The following TSHZ3 variants were observed in gnomAD, a reference collection of about 807,000 sequenced individuals.
TSHZ3 encodes the protein teashirt homolog 3.
In TSHZ3, 10 loss-of-function variants were observed where a neutral mutation model predicts 64.5. The ratio of observed to expected loss-of-function variants is 0.16; its 90% CI spans 0.10 to 0.26. TSHZ3 has a LOEUF of 0.26. TSHZ3 is among the 10% of genes least tolerant of loss of function. The pLI is 1.00. For missense variants in TSHZ3, 1,242 were observed against 1,421.7 expected (o/e 0.87, Z 2.03); for synonymous variants, 608 against 593.1 (o/e 1.03, Z -0.36).
chr19:31,224,257 G>A (rs1049995007), intron 4 of TSHZ3, among the ~76,000 whole-genome samples: 1 of 152,202 alleles, frequency 6.6e-6, no homozygotes, highest in African/African-American at 2.4e-5. Context: ...CCAACTGGGA[G>A]TTTCACTAAA....
intron 5 of TSHZ3, among the ~76,000 whole-genome samples, chr19:31,197,220 A>C (rs929758354): frequency 1.3e-5 from 2 of 152,026 alleles, no homozygotes; most frequent in East Asian, 3.8e-4. Context: ...ATGGTCAAAA[A>C]ATAAATATCA....
intron 1 of TSHZ3, among the ~76,000 whole-genome samples, chr19:31,248,968 A>G (rs1298588871): frequency 6.6e-6 from 1 of 152,006 alleles, no homozygotes; most frequent in Admixed American, 6.6e-5. Flanking sequence ...GGTTTTGAGT[A>G]GTTTTGAGTG....
At chr19:31,346,939 A>G (rs2021536371) in intron 1 of TSHZ3, among the ~76,000 whole-genome samples, 1 of 152,058 alleles carries the variant, frequency 6.6e-6, no homozygotes, top group Non-Finnish European at 1.5e-5. Context: ...GCATTCTGAT[A>G]AAGTAAATCC....
intron 1 of TSHZ3, among the ~76,000 whole-genome samples, chr19:31,244,765 TC>T (rs1975738836): frequency 6.6e-6 from 1 of 152,134 alleles, no homozygotes; most frequent in Non-Finnish European, 1.5e-5. Context: ...CACTTCAGCC[TC>T]CCAAGTAGCT....
chr19:31,343,975 CATCTT>C (rs1487724999), intron 1 of TSHZ3, among the ~76,000 whole-genome samples: 3 of 152,086 alleles, frequency 2.0e-5, no homozygotes, highest in Non-Finnish European at 2.9e-5. Context: ...ATAAAATTGT[CATCTT>C]ATCTTATTAT....
At chr19:31,330,607 C>A (rs1227831952) in intron 1 of TSHZ3, among the ~76,000 whole-genome samples, 1 of 151,928 alleles carries the variant, frequency 6.6e-6, no homozygotes, top group Non-Finnish European at 1.5e-5. Flanking sequence ...TGGCGGGGTG[C>A]AAAATGGAGG....
At chr19:31,291,241 T>G (rs865916179) in intron 1 of TSHZ3, among the ~76,000 whole-genome samples, 9 of 152,172 alleles carry the variant, frequency 5.9e-5, no homozygotes, top group South Asian at 2.1e-4. Context: ...CCAGCGGTGA[T>G]GGGAAACAAG....
intron 1 of TSHZ3, among the ~76,000 whole-genome samples, chr19:31,306,118 T>A (rs941762833): frequency 2.6e-5 from 4 of 152,092 alleles, no homozygotes; most frequent in African/African-American, 9.7e-5. Context: ...GACGCACAGG[T>A]GTGCCCTCCC....
At chr19:31,231,304 G>A (rs1227317711) in intron 3 of TSHZ3, among the ~76,000 whole-genome samples, 1 of 152,106 alleles carries the variant, frequency 6.6e-6, no homozygotes, top group Admixed American at 6.5e-5. Flanking sequence ...TCAGGAGGCC[G>A]AGCGGAATTA....
intron 1 of TSHZ3, among the ~76,000 whole-genome samples, chr19:31,347,072 T>C (rs377373665): frequency 5.3e-5 from 8 of 152,132 alleles, no homozygotes; most frequent in African/African-American, 1.9e-4. Context: ...ACAAAGTCGT[T>C]TTGACGGGTC....
At chr19:31,199,533 C>CA (rs1975045283) in intron 5 of TSHZ3, among the ~76,000 whole-genome samples, 1 of 150,194 alleles carries the variant, frequency 6.7e-6, no homozygotes. Context: ...TCCACATGAC[C>CA]AAAAAATAAA....
chr19:31,301,201 T>G (rs1976750854), intron 1 of TSHZ3, among the ~76,000 whole-genome samples: 1 of 152,086 alleles, frequency 6.6e-6, no homozygotes. Flanking sequence ...TTCATCCCTC[T>G]GCAAAGAAGC....
intron 3 of TSHZ3, among the ~76,000 whole-genome samples, chr19:31,235,542 A>ATGTG (rs373260594): frequency 1.3e-4 from 19 of 149,044 alleles, no homozygotes; most frequent in African/African-American, 2.7e-4. Flanking sequence ...CAATGTGTGT[A>ATGTG]TGTGTGTGTG....
At chr19:31,187,651 A>T (rs1170251895) in intron 5 of TSHZ3, among the ~76,000 whole-genome samples, 3 of 152,006 alleles carry the variant, frequency 2.0e-5, no homozygotes, top group Non-Finnish European at 4.4e-5. Flanking sequence ...TTATTTTTTC[A>T]GTATGGGTAT....
At chr19:31,241,290 C>G (rs536425587) in intron 3 of TSHZ3, among the ~76,000 whole-genome samples, 1 of 152,276 alleles carries the variant, frequency 6.6e-6, no homozygotes, top group East Asian at 1.9e-4. Flanking sequence ...ACTGCAAACT[C>G]TTGTTGGGGC....
At chr19:31,272,414 G>C (rs147729841), downstream of TSHZ3, among the ~76,000 whole-genome samples, 1 of 152,120 alleles carries the variant, frequency 6.6e-6, no homozygotes, top group Non-Finnish European at 1.5e-5. Flanking sequence ...CTGTCTGAGC[G>C]CAGGGCAGAG....
intron 3 of TSHZ3, among the ~76,000 whole-genome samples, chr19:31,240,317 A>C (rs1367625721): frequency 6.6e-6 from 1 of 152,198 alleles, no homozygotes; most frequent in Non-Finnish European, 1.5e-5. Flanking sequence ...ATTGTTAAAA[A>C]TATGTATTTT....
At chr19:31,335,561 C>T (rs1483031363) in intron 1 of TSHZ3, among the ~76,000 whole-genome samples, 1 of 152,194 alleles carries the variant, frequency 6.6e-6, no homozygotes, top group African/African-American at 2.4e-5. Flanking sequence ...GTTCAGAAAA[C>T]TCAAGAGACT....
At chr19:31,344,802 T>G (rs752948076) in intron 1 of TSHZ3, among the ~76,000 whole-genome samples, 3 of 152,236 alleles carry the variant, frequency 2.0e-5, no homozygotes, top group Non-Finnish European at 4.4e-5. Context: ...CCCACAGCCC[T>G]GAGCAGTCGC....
Sources: gnomAD v4.1 joint callset for allele counts (sites outside exome capture counted in the v4.1 genomes callset) on GRCh38, gnomAD v4.1.1 for gene constraint, MANE v1.5 for transcripts, NCBI Gene and HGNC (gene_info 2026-07-23, HGNC 2026-07-21) for gene names.